The following FOXP2 variants were observed in gnomAD, a reference collection of about 807,000 sequenced individuals.
The protein encoded by FOXP2 is forkhead box P2, also known as forkhead box protein P2.
A neutral mutation model predicts 115.8 loss-of-function variants in FOXP2; 12 were observed. That is an observed-to-expected ratio of 0.10 (90% CI 0.07 to 0.17). FOXP2 has a LOEUF of 0.17. Among genes scored for constraint, FOXP2 ranks in the 10% least tolerant of loss-of-function variants. The pLI is 1.00. For synonymous variants in FOXP2, 328 were observed against 297.7 expected (o/e 1.10, Z -1.05); for missense variants, 629 against 843.5 (o/e 0.75, Z 3.15).
chr7:114,597,700 G>A (rs1385711036), intron 3 of FOXP2, among the ~76,000 whole-genome samples: 1 of 152,116 alleles, frequency 6.6e-6, no homozygotes, highest in Non-Finnish European at 1.5e-5. Context: ...TACCTAAGGG[G>A]TTAAATCTGT....
At chr7:114,435,090 A>G (rs1794280059) in intron 2 of FOXP2, among the ~76,000 whole-genome samples, 1 of 152,164 alleles carries the variant, frequency 6.6e-6, no homozygotes, top group African/African-American at 2.4e-5. Context: ...TGGAATTTGG[A>G]AATTCATATC....
At chr7:114,620,304 G>A (rs564921091) in intron 3 of FOXP2, among the ~76,000 whole-genome samples, 6 of 152,098 alleles carry the variant, frequency 3.9e-5, no homozygotes, top group Admixed American at 1.3e-4. Context: ...AGCAATAAAC[G>A]AATTATACAA....
rs1227114966 is a variant in FOXP2 at position 114,691,501 on chromosome 7, A to T, written c.*1575A>T. 1 of 454,020 alleles carries T rather than the reference A, an allele frequency of 2.2e-6. No individual in the cohort carries two copies. Among genetic ancestry groups the T allele is most frequent in the South Asian group, 1.6e-5 (1 of 64,466 alleles). The allele number at this position is 454,020 out of a possible 1,614,324, so 28.1% of individuals were successfully genotyped here. A position where few individuals can be genotyped will look rare whatever the true frequency, so the allele number is the denominator to read the frequency against. ...CCCTTCAAAGACTTGCACAGGCCAA[A>T]TTGTTGGAATGCTGGTTTTCTTGAC... is the stretch of plus-strand genomic sequence containing the variant. On this transcript the variant is annotated 3_prime_UTR_variant, in exon 17 of 17. Transcript: ENST00000350908.
chr7:114,362,057 A>G (rs577713180), intron 2 of FOXP2, among the ~76,000 whole-genome samples: 1 of 152,144 alleles, frequency 6.6e-6, no homozygotes, highest in South Asian at 2.1e-4. Context: ...TGTTGATATG[A>G]TGAAACTATG....
chr7:114,196,378 A>G (rs2129158554), intron 1 of FOXP2, among the ~76,000 whole-genome samples: 1 of 152,338 alleles, frequency 6.6e-6, no homozygotes, highest in African/African-American at 2.4e-5. Context: ...TTAATTAAAT[A>G]CAATTTCTTT....
In FOXP2 at chr7:114,690,139, T is replaced by A; in HGVS notation, c.*213T>A. 1.8e-6 allele frequency: 1 copy of A among 571,192 alleles called. No homozygotes were observed. Among genetic ancestry groups the A allele is most frequent in the Non-Finnish European group, 3.1e-6 (1 of 319,428 alleles). The allele number at this position is 571,192 out of a possible 1,614,324, so 35.4% of individuals were successfully genotyped here. A position where few individuals can be genotyped will look rare whatever the true frequency, so the allele number is the denominator to read the frequency against. ...CTTCTTCTTCTTCTTCTTTTTTTTTTTTTTTTTAGAAAAAAAGACAAAAAC... is the reference window on the plus strand; with the variant it reads ...CTTCTTCTTCTTCTTCTTTTTTTTTATTTTTTTAGAAAAAAAGACAAAAAC... On this transcript the variant is annotated 3_prime_UTR_variant, in exon 17 of 17. Coordinates refer to ENST00000350908, the MANE Select transcript of FOXP2 (RefSeq NM_014491.4).
At chr7:114,579,262 A>C (rs535360578) in intron 3 of FOXP2, among the ~76,000 whole-genome samples, 1 of 152,220 alleles carries the variant, frequency 6.6e-6, no homozygotes, top group African/African-American at 2.4e-5. Context: ...CTCAATGTAT[A>C]AAGCCCAGGT....
At chr7:114,671,369 G>A (rs1011105172) in intron 16 of FOXP2, among the ~76,000 whole-genome samples, 2 of 152,052 alleles carry the variant, frequency 1.3e-5, no homozygotes, top group African/African-American at 2.4e-5. Context: ...TGCCAATTGT[G>A]GAAATTTGTG....
intron 1 of FOXP2, among the ~76,000 whole-genome samples, chr7:114,184,489 A>T (rs920193208): frequency 6.6e-6 from 1 of 152,174 alleles, no homozygotes; most frequent in African/African-American, 2.4e-5. Context: ...ATTTATGGAG[A>T]GAATAACACA....
intron 2 of FOXP2, among the ~76,000 whole-genome samples, chr7:114,395,998 C>A (rs532510538): frequency 1.3e-5 from 2 of 151,940 alleles, no homozygotes; most frequent in African/African-American, 4.8e-5. Context: ...AACATTTATC[C>A]TTTGTGTTAT....
At chr7:114,130,302 G>A (rs540896782) in intron 1 of FOXP2, among the ~76,000 whole-genome samples, 1 of 152,174 alleles carries the variant, frequency 6.6e-6, no homozygotes, top group Admixed American at 6.5e-5. Flanking sequence ...CAGCCTCAGC[G>A]ACCAAAAAGG....
chr7:114,405,917 T>A (rs986912670), intron 2 of FOXP2, among the ~76,000 whole-genome samples: 12 of 151,902 alleles, frequency 7.9e-5, no homozygotes, highest in African/African-American at 2.9e-4. Flanking sequence ...GTCATATGTA[T>A]GGCCCTTCTT....
chr7:114,545,402 G>T (rs2129283670), intron 3 of FOXP2, among the ~76,000 whole-genome samples: 2 of 152,172 alleles, frequency 1.3e-5, no homozygotes, highest in Middle Eastern at 6.8e-3. Context: ...GCCTTTTCAG[G>T]ATCATTTCCA....
chr7:114,201,134 C>T (rs1023443893), intron 1 of FOXP2, among the ~76,000 whole-genome samples: 1 of 151,916 alleles, frequency 6.6e-6, no homozygotes, highest in Admixed American at 6.6e-5. Context: ...CCCGCTTGGG[C>T]AACAAGAGAG....
chr7:114,439,476 A>G (rs781126235), intron 2 of FOXP2, among the ~76,000 whole-genome samples: 1 of 152,204 alleles, frequency 6.6e-6, no homozygotes, highest in Non-Finnish European at 1.5e-5. Flanking sequence ...AAATACTCTA[A>G]TGATGTAATC....
chr7:114,608,619 G>A (rs961131238), intron 3 of FOXP2, among the ~76,000 whole-genome samples: 15 of 152,158 alleles, frequency 9.9e-5, no homozygotes, highest in African/African-American at 3.4e-4. Context: ...TTACTCTCAG[G>A]GAGAGTATTA....
intron 2 of FOXP2, among the ~76,000 whole-genome samples, chr7:114,401,599 T>G (rs905855192): frequency 1.3e-5 from 2 of 152,204 alleles, no homozygotes; most frequent in African/African-American, 4.8e-5. Context: ...TCTTTCAGTT[T>G]GGCGATTTAT....
chr7:114,500,780 T>C (rs1413971843), intron 2 of FOXP2, among the ~76,000 whole-genome samples: 1 of 152,132 alleles, frequency 6.6e-6, no homozygotes, highest in Admixed American at 6.6e-5. Context: ...CAAACAAGCA[T>C]TTTTTCACAT....
chr7:114,658,495 C>T (rs1489320510), intron 11 of FOXP2, among the ~76,000 whole-genome samples: 1 of 152,274 alleles, frequency 6.6e-6, no homozygotes, highest in South Asian at 2.1e-4. Context: ...ATTAGAGACA[C>T]TGAGAGATGT....
Sources: allele counts gnomAD v4.1 joint callset (sites outside exome capture counted in the v4.1 genomes callset), GRCh38; gene constraint gnomAD v4.1.1; transcripts MANE v1.5; gene names NCBI Gene and HGNC (gene_info 2026-07-23, HGNC 2026-07-21).